Variants in ITPRID2 observed in about 807,000 individuals in gnomAD.
ITPRID2 encodes protein ITPRID2.
In ITPRID2, 60 loss-of-function variants were observed where a neutral mutation model predicts 124.3. That is an observed-to-expected ratio of 0.48 (90% confidence interval 0.39 to 0.60). ITPRID2 has a LOEUF of 0.60. Ranked by LOEUF, ITPRID2 falls within the 20% of genes least tolerant of loss-of-function variation. ITPRID2 has a pLI of 0.00. For missense variants in ITPRID2, 1,553 were observed against 1,512.2 expected, an observed-to-expected ratio of 1.03 and a Z score of -0.45; for synonymous variants, 521 against 542.9, an observed-to-expected ratio of 0.96 and a Z score of 0.56.
intron 9 of ITPRID2, among the ~76,000 whole-genome samples, chr2:181,913,294 C>A (rs1290303299): frequency 6.6e-6 from 1 of 152,138 alleles, no homozygotes; most frequent in Non-Finnish European, 1.5e-5. Flanking sequence ...GTCTCGATCT[C>A]CTAACCTCGT....
intron 8 of ITPRID2, among the ~76,000 whole-genome samples, chr2:181,903,478 T>C (rs1692844891): frequency 6.6e-6 from 1 of 152,188 alleles, no homozygotes; most frequent in African/African-American, 2.4e-5. Flanking sequence ...ATTCAGCTCA[T>C]AAATGTCCTC....
At chr2:181,901,665 T>G in intron 7 of ITPRID2, 101 bp from the exon 8 acceptor site, 1 of 830,366 alleles carries the variant, frequency 1.2e-6, no homozygotes, top group Non-Finnish European at 1.7e-6. Flanking sequence ...CTTTGTGATC[T>G]AAGTGTAGTT....
At position 181,892,814 on chromosome 2, in the gene ITPRID2, AT is replaced by A; in HGVS notation, c.257+156del. The A allele has an allele frequency of 1.2e-6, 1 of 808,644 alleles. No individual in the cohort carries two copies. The allele number at this position is 808,644 out of a possible 1,614,324, so 50.1% of individuals were successfully genotyped here. A position where few individuals can be genotyped will look rare whatever the true frequency, so the allele number is the denominator to read the frequency against. On this transcript the variant is annotated intron_variant, in intron 2 of 17. Transcript: ENST00000431877. The surrounding 1 kb of genome is among the most constrained non-coding windows in gnomAD (Gnocchi z 5.2). ...GGCGGATAGCTTCCTCCTCTAAGCGATTAGAAATGGAAGTGCTGTGACCGCT... is the reference window on the plus strand; with the variant it reads ...GGCGGATAGCTTCCTCCTCTAAGCGATAGAAATGGAAGTGCTGTGACCGCT...
intron 10 of ITPRID2, 123 bp downstream of exon 10, chr2:181,914,056 C>T (rs1409091321): frequency 9.7e-6 from 6 of 617,832 alleles, no homozygotes; most frequent in South Asian, 2.2e-5. Flanking sequence ...CAGAACAAAA[C>T]TCCTGGCATG....
intron 8 of ITPRID2, among the ~76,000 whole-genome samples, chr2:181,908,284 CAGTG>C (rs1386158177): frequency 2.6e-5 from 4 of 152,030 alleles, no homozygotes; most frequent in Non-Finnish European, 5.9e-5. Flanking sequence ...AAAAACATGA[CAGTG>C]AGAGATTTGG....
In ITPRID2 at chr2:181,910,455, G is replaced by A; in HGVS notation, c.1486+484G>A. ...AACTATGGGTCGAAGGTGAGTGGTT[G>A]TAGATACTGTTCCTCTCTTAAATTA... On this transcript the variant is annotated intron_variant, in intron 9 of 17. Coordinates refer to ENST00000431877, the MANE Select transcript of ITPRID2 (RefSeq NM_001130445.3). This position sits in a 1 kb window ranked among gnomAD's most constrained non-coding sequence, Gnocchi z 4.1. 1 of 563,656 alleles carries A rather than the reference G, an allele frequency of 1.8e-6. No individual in the cohort carries two copies. The highest frequency in any genetic ancestry group is 3.1e-5 in the East Asian group (1 of 32,732). The allele number at this position is 563,656 out of a possible 1,614,324, so 34.9% of individuals were successfully genotyped here.
At chr2:181,924,662 C>T (rs1328028219) in intron 16 of ITPRID2, among the ~76,000 whole-genome samples, 2 of 152,078 alleles carry the variant, frequency 1.3e-5, no homozygotes, top group Non-Finnish European at 2.9e-5. Flanking sequence ...TTTCGTTGTA[C>T]CATTAAGTGA....
Position 181,922,137 on chromosome 2 carries a change from T to G in ITPRID2, c.3400T>G (p.Ser1134Ala). The G allele has an allele frequency of 6.2e-7, 1 of 1,614,220 alleles. No homozygotes were observed. The highest frequency in any genetic ancestry group is 1.6e-4 in the Middle Eastern group (1 of 6,062). ...AAGAACTGGAGTACCTTCTACTGCC[T>G]CAGTGGGCAAATCCAAAACCCCATT... ...NRRTGVPSTA[S>A]VGKSKTPLVA... The change falls in exon 16 of 18, where the codon TCA becomes GCA. Residue 1134 changes from serine to alanine, a missense_variant. Transcript: ENST00000431877.
At chr2:181,897,959 G>A (rs1229844178) in intron 4 of ITPRID2, among the ~76,000 whole-genome samples, 1 of 151,872 alleles carries the variant, frequency 6.6e-6, no homozygotes, top group Non-Finnish European at 1.5e-5. Context: ...TGAACATGTT[G>A]TCAATCCGTT....
rs117480174 is a variant in ITPRID2 at position 181,900,622 on chromosome 2, C to G, written c.504-74C>G. The G allele has an allele frequency of 5.5e-4, 551 of 1,000,576 alleles. 4 individuals carry two copies. In the East Asian group the frequency reaches 0.013, roughly 23 times the overall value. 62.0% of individuals were successfully genotyped at this position (1,000,576 alleles called of 1,614,324 possible). On this transcript the variant is annotated intron_variant, in intron 6 of 17. Transcript: ENST00000431877. Reference sequence around the variant, plus strand: ...TCACAGGAAATCAGTAATATGTATTCATTTATAATGTGGTGTGGACTATCA... The same window carrying G: ...TCACAGGAAATCAGTAATATGTATTGATTTATAATGTGGTGTGGACTATCA...
Position 181,919,213 on chromosome 2 carries a change from C to A in ITPRID2, c.2994-83C>A. 6.8e-7 allele frequency: 1 copy of A among 1,479,834 alleles called. No homozygotes were observed. The highest frequency in any genetic ancestry group is 9.3e-7 in the Non-Finnish European group (1 of 1,074,392). The allele number at this position is 1,479,834 out of a possible 1,614,324, so 91.7% of individuals were successfully genotyped here. A position where few individuals can be genotyped will look rare whatever the true frequency, so the allele number is the denominator to read the frequency against. On this transcript the variant is annotated intron_variant, in intron 13 of 17. Coordinates refer to ENST00000431877, the MANE Select transcript of ITPRID2 (RefSeq NM_001130445.3). This position sits in a 1 kb window ranked among gnomAD's most constrained non-coding sequence, Gnocchi z 4.2. ...CTGAGATTTCCATGCCTTCTGTTAG[C>A]ATATAGTAGTTGTTGAAAGATTTGT...
rs564612676 is a variant in ITPRID2, at chr2:181,898,592, A to C, written c.365-288A>C. 1.1e-4 allele frequency among the ~76,000 whole-genome samples: 17 copies of C among 152,214 alleles called. No homozygotes were observed. The East Asian group carries it at 3.3e-3, about 29-fold the overall frequency. On this transcript the variant is annotated intron_variant, in intron 4 of 17. Coordinates refer to ENST00000431877, the MANE Select transcript of ITPRID2 (RefSeq NM_001130445.3). ...CTCATTACTTATTTCTAACCTGTTAAAGAAATTTAACTGGTTCCCTATACG... is the reference window on the plus strand; with the variant it reads ...CTCATTACTTATTTCTAACCTGTTACAGAAATTTAACTGGTTCCCTATACG...
intron 2 of ITPRID2, chr2:181,894,333 A>G (rs540069648): frequency 4.6e-5 from 7 of 152,290 alleles, no homozygotes; most frequent in African/African-American, 1.2e-4. Context: ...TTTGTTGCCA[A>G]TACTGATTTA....
chr2:181,916,555 T>A, intron 11 of ITPRID2, 128 bp downstream of exon 11: 1 of 1,203,008 alleles, frequency 8.3e-7, no homozygotes, highest in South Asian at 1.6e-5. Context: ...TGTCTAAACT[T>A]AATCTGCATC....
chr2:181,910,765 G>T lies in ITPRID2; in HGVS notation c.1486+794G>T. On this transcript the variant is annotated intron_variant, in intron 9 of 17. Coordinates refer to ENST00000431877, the MANE Select transcript of ITPRID2 (RefSeq NM_001130445.3). The surrounding 1 kb of genome is among the most constrained non-coding windows in gnomAD (Gnocchi z 4.1). The stretch of plus-strand genomic sequence containing the variant: ...CCTGATCTCTGAAATTACTTCACAG[G>T]AGACAATTTGCATAAATTTTTTTCT... 1 of 506,354 alleles carries T rather than the reference G, an allele frequency of 2.0e-6. No individual in the cohort carries two copies. Among genetic ancestry groups the T allele is most frequent in the South Asian group, 3.6e-5 (1 of 27,462 alleles). The allele number at this position is 506,354 out of a possible 1,614,324, so 31.4% of individuals were successfully genotyped here. A position where few individuals can be genotyped will look rare whatever the true frequency, so the allele number is the denominator to read the frequency against.
At position 181,905,674 on chromosome 2, in the gene ITPRID2, C is replaced by A. The variant is rs1333842640; in HGVS notation, c.1413+3208C>A. On this transcript the variant is annotated intron_variant, in intron 8 of 17. Coordinates refer to ENST00000431877, the MANE Select transcript of ITPRID2 (RefSeq NM_001130445.3). The surrounding 1 kb of genome is among the most constrained non-coding windows in gnomAD (Gnocchi z 4.1). ...AAATATAACCATTATTGGATATACACATAATCTTTTTTAAGCTACTGATGT... is the reference window on the plus strand; with the variant it reads ...AAATATAACCATTATTGGATATACAAATAATCTTTTTTAAGCTACTGATGT... 6.6e-6 allele frequency among the ~76,000 whole-genome samples: 1 copy of A among 152,150 alleles called. No individual in the cohort carries two copies. The highest frequency in any genetic ancestry group is 2.4e-5 in the African/African-American group (1 of 41,438).
At chr2:181,897,291 G>A (rs1692278650) in intron 4 of ITPRID2, among the ~76,000 whole-genome samples, 1 of 151,910 alleles carries the variant, frequency 6.6e-6, no homozygotes, top group Non-Finnish European at 1.5e-5. Context: ...ATTTATACAT[G>A]GGAAAACAAA....
intron 11 of ITPRID2, chr2:181,917,772 T>G (rs1394823257): frequency 6.6e-6 from 1 of 152,298 alleles, no homozygotes; most frequent in Non-Finnish European, 1.5e-5. Flanking sequence ...GCTGATTTTG[T>G]GTTTTGTTTT....
At chr2:181,901,712 GTGTA>G (rs1268532917) in intron 7 of ITPRID2, 50 bp from the exon 8 acceptor site, 1 of 1,195,720 alleles carries the variant, frequency 8.4e-7, no homozygotes, top group East Asian at 2.6e-5. Flanking sequence ...TTTAATATAT[GTGTA>G]TGTATATATA....
Sources: allele counts gnomAD v4.1 joint callset (sites outside exome capture counted in the v4.1 genomes callset), GRCh38; gene constraint gnomAD v4.1.1; non-coding constraint Gnocchi (gnomAD v3.1); transcripts MANE v1.5; gene names NCBI Gene and HGNC (gene_info 2026-07-23, HGNC 2026-07-21).